FANCI: variants seen among roughly 807,000 people sequenced by gnomAD.
The protein encoded by FANCI is FA complementation group I.
Under a neutral mutation model 176.1 loss-of-function variants are expected in FANCI, and 156 were observed. The observed-to-expected ratio is 0.89, with a 90% CI of 0.78 to 1.01. The LOEUF (loss-of-function observed/expected upper bound fraction) is 1.01, where lower values mean the gene tolerates loss of function less well. FANCI is among the 50% of genes least tolerant of loss of function. The pLI is 0.00. For missense variants in FANCI, 1,678 were observed against 1,534.1 expected (o/e 1.09, Z -1.57); for synonymous variants, 613 against 541.7 (o/e 1.13, Z -1.83).
Position 89,276,806 on chromosome 15 carries a change from C to G in FANCI, c.1208C>G (p.Thr403Ser). Residue 403 changes from threonine (T) to serine (S), a missense_variant, in exon 13 of 38, where the codon ACT becomes AGT. Thr to Ser is a moderately conservative substitution (Grantham distance 58). This residue lies in a region of FANCI where 1,204 missense variants were observed against 1,077.4 expected (regional missense o/e 1.12). Coordinates refer to ENST00000310775, the MANE Select transcript of FANCI (RefSeq NM_001113378.2). ...YGPKKVLDGK[T>S]IETSPSLSRM... is the part of the protein sequence containing the mutation. Reference sequence around the variant, plus strand: ...CCAAAGAAGGTTCTTGATGGAAAAACTATTGAAACCAGCCCAAGTCTTTCT... The same window carrying G: ...CCAAAGAAGGTTCTTGATGGAAAAAGTATTGAAACCAGCCCAAGTCTTTCT... 1.9e-6 allele frequency: 3 copies of G among 1,614,142 alleles called. No homozygotes were observed. Among genetic ancestry groups the G allele is most frequent in the Non-Finnish European group, 2.5e-6 (3 of 1,180,012 alleles).
At chr15:89,244,323 C>G (rs996366825) in intron 1 of FANCI, 2 of 152,322 alleles carry the variant, frequency 1.3e-5, no homozygotes, top group African/African-American at 4.8e-5. Context: ...CCTTGCTTTG[C>G]ATTTGTTGTC....
At position 89,303,212 on chromosome 15, in the gene FANCI, A is replaced by G. The variant is rs141740552; in HGVS notation, c.3007-652A>G. Among the ~76,000 whole-genome samples, 405 of 152,278 alleles carry G rather than the reference A, an allele frequency of 2.7e-3. 8 individuals carry two copies. The highest frequency in any genetic ancestry group is 0.015 in the East Asian group (80 of 5,186). ...AGCCTCTTAATTTACCTTTTCCTCA[A>G]CAGATCAAAACTGCATTTTTGTTAG... is the stretch of plus-strand genomic sequence containing the variant. On this transcript the variant is annotated intron_variant, in intron 27 of 37. Transcript: ENST00000310775.
chr15:89,257,948 C>T (rs2052566164), intron 2 of FANCI, among the ~76,000 whole-genome samples: 1 of 152,222 alleles, frequency 6.6e-6, no homozygotes, highest in Admixed American at 6.5e-5. Flanking sequence ...TTCCGTTGCA[C>T]TTAGAGAAAA....
chr15:89,273,726 T>C (rs2053296434), intron 11 of FANCI, among the ~76,000 whole-genome samples: 1 of 146,862 alleles, frequency 6.8e-6, no homozygotes, highest in African/African-American at 2.4e-5. Context: ...GGAATAAGAG[T>C]GGAAGGATAC....
intron 9 of FANCI, among the ~76,000 whole-genome samples, chr15:89,267,902 G>A (rs2053037296): frequency 2.0e-5 from 3 of 152,174 alleles, no homozygotes; most frequent in African/African-American, 7.2e-5. Context: ...ACACCAGCCT[G>A]AGTGACAGAG....
chr15:89,265,230 CAG>C (rs2052889603), intron 9 of FANCI, among the ~76,000 whole-genome samples: 1 of 152,116 alleles, frequency 6.6e-6, no homozygotes. Context: ...GTTTTTGAGA[CAG>C]AGTGTAGCTC....
At chr15:89,290,575 T>C in intron 19 of FANCI, 1 of 324,082 alleles carries the variant, frequency 3.1e-6, no homozygotes, top group South Asian at 4.9e-5. Flanking sequence ...CTGTATCCAT[T>C]ATGTTATATT....
rs1292509790 is a variant in FANCI, at chr15:89,264,467, A to G, written c.670-55A>G. The G allele has an allele frequency of 2.4e-5, 34 of 1,433,642 alleles. No homozygotes were observed. The Admixed American group carries it at 3.5e-4, about 15-fold the overall frequency. 88.8% of individuals were successfully genotyped at this position (1,433,642 alleles called of 1,614,324 possible). A position where few individuals can be genotyped will look rare whatever the true frequency, so the allele number is the denominator to read the frequency against. The stretch of plus-strand genomic sequence containing the variant: ...TAAGCTGAAAACTACTTTGAATTCA[A>G]ATTGGTTATTTTGCTGTTAATTGGG... On this transcript the variant is annotated intron_variant, in intron 8 of 37. Transcript: ENST00000310775.
At chr15:89,298,977 T>C (rs9302347) in intron 24 of FANCI, among the ~76,000 whole-genome samples, 85,698 of 151,680 alleles carry the variant, frequency 0.56, 26,008 homozygotes, top group African/African-American at 0.81. Context: ...TCAAGACCAG[T>C]CTGGCCAACA....
At chr15:89,263,290 A>G in intron 6 of FANCI, 129 bp from the exon 7 acceptor site, 1 of 733,134 alleles carries the variant, frequency 1.4e-6, no homozygotes. Flanking sequence ...AATGGTATTT[A>G]TTTGATCTTG....
chr15:89,297,774 G>A (rs1296702818), intron 24 of FANCI, among the ~76,000 whole-genome samples: 3 of 149,054 alleles, frequency 2.0e-5, no homozygotes, highest in Non-Finnish European at 3.0e-5. Flanking sequence ...TGGGGAGAGG[G>A]AGGGGGAGGG....
At chr15:89,282,039 G>A in intron 16 of FANCI, 1 of 558,192 alleles carries the variant, frequency 1.8e-6, no homozygotes, top group South Asian at 2.0e-5. Context: ...TATGAAGTAA[G>A]AATTATTGCA....
At chr15:89,278,820 A>G in intron 14 of FANCI, 46 bp downstream of exon 14, 1 of 1,498,224 alleles carries the variant, frequency 6.7e-7, no homozygotes. Flanking sequence ...AAATATTTTC[A>G]TTTCAATGTC....
chr15:89,300,110 G>T, intron 25 of FANCI, 144 bp downstream of exon 25: 1 of 1,047,396 alleles, frequency 9.5e-7, no homozygotes, highest in East Asian at 2.5e-5. Flanking sequence ...TTCAGGATTG[G>T]TACCTACTGG....
At chr15:89,302,006 A>G (rs752291038) in intron 27 of FANCI, among the ~76,000 whole-genome samples, 3 of 152,234 alleles carry the variant, frequency 2.0e-5, no homozygotes, top group East Asian at 1.9e-4. Flanking sequence ...GTGTACCCAC[A>G]TGAGCGTTCA....
intron 34 of FANCI, chr15:89,308,063 ACTTTCAGGGAAGTGGAAGGACGTGG>A: frequency 1.8e-6 from 2 of 1,133,874 alleles, no homozygotes. Flanking sequence ...CAGTGAGGGC[ACTTTCAGGGAAGTGGAAGGACGTGG>A]CTTTGTAAGT....
intron 16 of FANCI, 52 bp from the exon 17 acceptor site, chr15:89,283,084 G>A: frequency 6.3e-7 from 1 of 1,581,746 alleles, no homozygotes; most frequent in Non-Finnish European, 8.7e-7. Context: ...TGACCCAGAA[G>A]CATATTCCTG....
At position 89,295,045 on chromosome 15, in the gene FANCI, G is replaced by A. The variant is rs1292858705; in HGVS notation, c.2587G>A (p.Asp863Asn). 3 of 1,551,996 alleles carry A rather than the reference G, an allele frequency of 1.9e-6. No homozygotes were observed. Among genetic ancestry groups the A allele is most frequent in the African/African-American group, 2.7e-5 (2 of 73,036 alleles). The part of the protein sequence containing the change: ...LKETGHVSGP[D>N]GQNPEKIFQN... ...GGAAACAGGGCATGTGAGTGGCCCTGATGGCCAAAACCCAGAAAAGATCTT... is the reference window on the plus strand; with the variant it reads ...GGAAACAGGGCATGTGAGTGGCCCTAATGGCCAAAACCCAGAAAAGATCTT... Residue 863 changes from aspartate to asparagine, a missense_variant, in exon 24 of 38, where the codon GAT becomes AAT. Around this residue, in one of 3 missense-constraint regions of FANCI, gnomAD observed 1,204 missense variants for 1,077.4 expected, o/e 1.12. Coordinates refer to ENST00000310775, the MANE Select transcript of FANCI (RefSeq NM_001113378.2).
chr15:89,251,173 C>T (rs1012515440), intron 2 of FANCI, among the ~76,000 whole-genome samples: 3 of 152,116 alleles, frequency 2.0e-5, no homozygotes, highest in African/African-American at 7.2e-5. Flanking sequence ...TGTGAGACTA[C>T]AGTAGATTCC....
Sources: allele counts gnomAD v4.1 joint callset (sites outside exome capture counted in the v4.1 genomes callset), GRCh38; gene constraint gnomAD v4.1.1; regional missense constraint gnomAD v4.1.1; transcripts MANE v1.5; gene names NCBI Gene and HGNC (gene_info 2026-07-23, HGNC 2026-07-21).